Variants in DLL3 observed in about 807,000 individuals in gnomAD.
DLL3 encodes delta-like protein 3.
In DLL3, 49 loss-of-function variants were observed where a neutral mutation model predicts 55.0. The observed-to-expected ratio is 0.89, with a 90% CI of 0.71 to 1.13. The LOEUF is 1.13. Among genes scored for constraint, DLL3 ranks in the 50% most tolerant of loss-of-function variants. DLL3 has a pLI of 0.00. For synonymous variants in DLL3, 421 were observed against 385.2 expected (o/e 1.09, Z -1.09); for missense variants, 962 against 875.5 (o/e 1.10, Z -1.25).
At chr19:39,500,901 G>T (rs11574521) in intron 3 of DLL3, among the ~76,000 whole-genome samples, 1 of 151,816 alleles carries the variant, frequency 6.6e-6, no homozygotes, top group East Asian at 1.9e-4. Context: ...TACTATCAAG[G>T]CTCCAGAGCA....
chr19:39,502,915 G>A lies in DLL3; in HGVS notation c.510G>A (p.Leu170=). The A allele has an allele frequency of 6.9e-7, 1 of 1,448,784 alleles. No homozygotes were observed. The highest frequency in any genetic ancestry group is 9.0e-7 in the Non-Finnish European group (1 of 1,106,786). 89.7% of individuals were successfully genotyped at this position (1,448,784 alleles called of 1,614,324 possible). Residue 170 remains leucine, a synonymous_variant, in exon 4 of 9, where the codon CTG becomes CTA. Coordinates refer to ENST00000356433, the MANE Select transcript of DLL3 (RefSeq NM_203486.3). ...TTCAGCGCGCAGGCGCCTGGGAGCT[G>A]CGCTTCTCGTACCGCGCGCGCTGCG... The part of the protein sequence containing the change: ...RDIQRAGAWE[L]RFSYRARCEP...
rs1568450727 is a variant in DLL3, at chr19:39,506,383, AAG to A, written c.1094-654_1094-653del. ...CTCCGTTTCGAAAAAAAAAAAAAAA[AAG>A]ATCATGAATGTAAAGGGCTGGCTGT... On this transcript the variant is annotated intron_variant, in intron 6 of 8. Transcript: ENST00000356433. Among the ~76,000 whole-genome samples the A allele has an allele frequency of 3.9e-5, 6 of 151,938 alleles. No individual in the cohort carries two copies. The Middle Eastern group carries it at 0.01, about 258-fold the overall frequency.
In DLL3 at chr19:39,507,304, C is replaced by T; in HGVS notation, c.1359C>T (p.Cys453=). The change falls in exon 7 of 9, where the codon TGC becomes TGT. Residue 453 remains cysteine, a synonymous_variant. Transcript: ENST00000356433. ...ACGCCCACTTCTCCGGCCTCGTCTG[C>T]GCTTGCGCTCCCGGCTACATGGGAG... ...RCYAHFSGLV[C]ACAPGYMGAR... 2 of 1,556,224 alleles carry T rather than the reference C, an allele frequency of 1.3e-6. No homozygotes were observed. The highest frequency in any genetic ancestry group is 1.7e-6 in the Non-Finnish European group (2 of 1,158,758).
chr19:39,508,143 G>C (rs1254593998), intron 8 of DLL3, 109 bp from the exon 9 acceptor site: 6 of 1,613,746 alleles, frequency 3.7e-6, no homozygotes, highest in Non-Finnish European at 4.2e-6. Flanking sequence ...GGCTTGAGGA[G>C]GTCACGATGC....
At chr19:39,506,157 A>T (rs2079639215) in intron 6 of DLL3, among the ~76,000 whole-genome samples, 1 of 136,898 alleles carries the variant, frequency 7.3e-6, no homozygotes, top group East Asian at 2.4e-4. Flanking sequence ...GGTTGCAGTG[A>T]GCCGAGATCA....
At chr19:39,507,707 T>C in intron 7 of DLL3, 89 bp downstream of exon 7, 1 of 1,594,206 alleles carries the variant, frequency 6.3e-7, no homozygotes, top group Non-Finnish European at 8.6e-7. Context: ...CCTTGATGCA[T>C]TTCCCTGGTC....
intron 4 of DLL3, among the ~76,000 whole-genome samples, chr19:39,503,338 C>G (rs187998603): frequency 6.6e-6 from 1 of 152,188 alleles, no homozygotes; most frequent in East Asian, 1.9e-4. Context: ...GAGCCCCCTT[C>G]CCTCTCCCAG....
intron 2 of DLL3, 139 bp downstream of exon 2, chr19:39,499,612 T>G (rs898290916): frequency 1.2e-5 from 13 of 1,089,312 alleles, no homozygotes; most frequent in African/African-American, 4.7e-5. Flanking sequence ...CCAGTAACTC[T>G]ACCGTCTGGA....
rs1287980951 is a variant in DLL3 at position 39,505,322 on chromosome 19, T to G, written c.964T>G (p.Phe322Val). The G allele has an allele frequency of 6.2e-7, 1 of 1,614,080 alleles. No homozygotes were observed. The highest frequency in any genetic ancestry group is 8.5e-7 in the Non-Finnish European group (1 of 1,180,038). The change falls in exon 6 of 9, where the codon TTC (phenylalanine) becomes GTC (valine). Residue 322 changes from phenylalanine to valine, a missense_variant. Physicochemically the swap from Phe to Val is conservative, Grantham distance 50. Transcript: ENST00000356433. ...GGTGACATGTGCAGATGGACCCTGC[T>G]TCAACGGCGGCTTGTGTGTCGGGGG... ...SGVTCADGPC[F>V]NGGLCVGGAD...
chr19:39,502,231 G>T (rs958737615), intron 3 of DLL3, among the ~76,000 whole-genome samples: 24 of 151,688 alleles, frequency 1.6e-4, no homozygotes, highest in Non-Finnish European at 3.2e-4. Flanking sequence ...CAAAATACAG[G>T]AGTATTACGG....
rs1339671523 is a variant in DLL3, at chr19:39,499,423, C to T, written c.301C>T (p.Leu101Phe). 1.3e-6 allele frequency: 2 copies of T among 1,590,240 alleles called. No homozygotes were observed. The highest frequency in any genetic ancestry group is 2.3e-5 in the East Asian group (1 of 44,422). Residue 101 changes from leucine (L) to phenylalanine (F), a missense_variant, in exon 2 of 9, where the codon CTC (leucine) becomes TTC (phenylalanine). Leu to Phe is a conservative substitution (Grantham distance 22). Transcript: ENST00000356433. ...TEQPGAPAPD[L>F]PLPDGLLQVP... ...GCAGCCCGGAGCGCCCGCGCCTGAT[C>T]TCCCACTGCCCGACGGCCTCTTGCA...
intron 3 of DLL3, 69 bp from the exon 4 acceptor site, chr19:39,502,745 CG>C: frequency 7.8e-7 from 1 of 1,289,222 alleles, no homozygotes; most frequent in Non-Finnish European, 9.8e-7. Flanking sequence ...AGAATGCGGC[CG>C]GGGCGCTCCG....
chr19:39,507,436 G>T lies in DLL3; in HGVS notation c.1491G>T (p.Leu497=). 1 of 1,594,882 alleles carries T rather than the reference G, an allele frequency of 6.3e-7. No individual in the cohort carries two copies. The highest frequency in any genetic ancestry group is 1.7e-5 in the Admixed American group (1 of 57,432). The change falls in exon 7 of 9, where the codon CTG becomes CTT. Residue 497 remains leucine, a synonymous_variant. Coordinates refer to ENST00000356433, the MANE Select transcript of DLL3 (RefSeq NM_203486.3). ...DPQRYLLPPA[L]GLLVAAGVAG... is the part of the protein sequence containing the mutation. The stretch of plus-strand genomic sequence containing the variant: ...AGCGCTACCTTTTGCCTCCGGCTCT[G>T]GGACTGCTCGTGGCCGCGGGCGTGG...
At chr19:39,504,799 G>A (rs1010411998) in intron 5 of DLL3, among the ~76,000 whole-genome samples, 1 of 152,014 alleles carries the variant, frequency 6.6e-6, no homozygotes, top group Non-Finnish European at 1.5e-5. Context: ...ATAGAGTAGG[G>A]TCCAGTGTGG....
chr19:39,502,028 A>G (rs2079612056), intron 3 of DLL3, among the ~76,000 whole-genome samples: 1 of 151,824 alleles, frequency 6.6e-6, no homozygotes, highest in Non-Finnish European at 1.5e-5. Flanking sequence ...TACTAAAAAT[A>G]CAAAAAAAAT....
At chr19:39,503,147 C>A in intron 4 of DLL3, 90 bp downstream of exon 4, 1 of 1,362,596 alleles carries the variant, frequency 7.3e-7, no homozygotes, top group Non-Finnish European at 9.8e-7. Flanking sequence ...CCTCTCACAA[C>A]CCACTCACCC....
chr19:39,500,887 C>T (rs1305936246), intron 3 of DLL3, among the ~76,000 whole-genome samples: 4 of 139,622 alleles, frequency 2.9e-5, no homozygotes, highest in Non-Finnish European at 6.6e-5. Flanking sequence ...AGGGGAAGCT[C>T]TCTTACTATC....
chr19:39,507,280 C>A lies in DLL3; in HGVS notation c.1335C>A (p.Tyr445Ter). Reference sequence around the variant, plus strand: ...CCTGTGCTCACGGCGGCCGCTGCTACGCCCACTTCTCCGGCCTCGTCTGCG... The same window carrying A: ...CCTGTGCTCACGGCGGCCGCTGCTAAGCCCACTTCTCCGGCCTCGTCTGCG... ...ARPCAHGGRC[Y>*]AHFSGLVCAC... The change falls in exon 7 of 9, where the codon TAC becomes TAA. Residue 445 changes from tyrosine (Y) to a stop codon, truncating the protein, a stop_gained. Coordinates refer to ENST00000356433, the MANE Select transcript of DLL3 (RefSeq NM_203486.3). LOFTEE classifies it high-confidence loss of function. The A allele has an allele frequency of 6.5e-7, 1 of 1,539,354 alleles. No homozygotes were observed. The highest frequency in any genetic ancestry group is 2.4e-5 in the East Asian group (1 of 41,148).
intron 6 of DLL3, among the ~76,000 whole-genome samples, chr19:39,506,089 G>A (rs553638080): frequency 6.6e-6 from 1 of 152,094 alleles, no homozygotes; most frequent in East Asian, 1.9e-4. Context: ...GCAGGTGCTT[G>A]TAATCCCAGC....
Sources: gnomAD v4.1 joint callset for allele counts (sites outside exome capture counted in the v4.1 genomes callset) on GRCh38, gnomAD v4.1.1 for gene constraint, MANE v1.5 for transcripts, NCBI Gene and HGNC (gene_info 2026-07-23, HGNC 2026-07-21) for gene names.